Variants in RBM33 observed in about 807,000 individuals in gnomAD.
RBM33 encodes RNA binding motif protein 33.
A neutral mutation model predicts 132.6 loss-of-function variants in RBM33; 28 were observed. The ratio of observed to expected loss-of-function variants is 0.21; its 90% CI spans 0.16 to 0.29. The LOEUF (loss-of-function observed/expected upper bound fraction) is 0.29. RBM33 is among the 10% of genes least tolerant of loss of function. The pLI is 1.00. For missense variants in RBM33, 1,291 were observed against 1,518.5 expected, an observed-to-expected ratio of 0.85 and a Z score of 2.49; for synonymous variants, 634 against 593.0, an observed-to-expected ratio of 1.07 and a Z score of -1.01.
At chr7:155,673,402 TTGTGTG>T (rs200441063) in intron 3 of RBM33, among the ~76,000 whole-genome samples, 2,695 of 45,100 alleles carry the variant, frequency 0.06, 41 homozygotes, top group Non-Finnish European at 0.068. Context: ...TTTATATATA[TTGTGTG>T]TGTGTGTGTG....
intron 2 of RBM33, among the ~76,000 whole-genome samples, chr7:155,666,280 G>A (rs978606580): frequency 6.6e-6 from 1 of 152,178 alleles, no homozygotes; most frequent in African/African-American, 2.4e-5. Context: ...TGAGAACCAG[G>A]AGCACCCATG....
chr7:155,656,963 G>GTT (rs200480316), intron 1 of RBM33, among the ~76,000 whole-genome samples: 14 of 141,096 alleles, frequency 9.9e-5, no homozygotes, highest in Non-Finnish European at 1.9e-4. Flanking sequence ...CAGGGTGAAG[G>GTT]TTTTTTTTTT....
rs1798767805 is a variant in RBM33, at chr7:155,665,188, C to T, written c.57C>T (p.Asp19=). The T allele has an allele frequency of 2.5e-6, 4 of 1,613,734 alleles. No homozygotes were observed. Among genetic ancestry groups the T allele is most frequent in the South Asian group, 2.2e-5 (2 of 91,086 alleles). Residue 19 remains aspartate, a synonymous_variant, in exon 2 of 18, where the codon GAC becomes GAT. Transcript: ENST00000401878. ...CTGTTCTCATAGATGATGACTTTGA[C>T]CAGTTTGATAAGCCTGGCGCGGAAC... ...GGAGAGDDDF[D]QFDKPGAERS...
intron 2 of RBM33, among the ~76,000 whole-genome samples, chr7:155,666,444 T>G (rs1289981308): frequency 6.6e-6 from 1 of 152,230 alleles, no homozygotes. Context: ...TCATGGACTT[T>G]CACAGAAATA....
At position 155,745,436 on chromosome 7, in the gene RBM33, T is replaced by C; in HGVS notation, c.2813T>C (p.Val938Ala). ...HKVLPIKPAD[V>A]EEPAVPQTPR... The stretch of plus-strand genomic sequence containing the variant: ...GTGCTCCCGATCAAACCTGCAGATG[T>C]GGAGGAGCCAGCTGTCCCCCAGACT... Residue 938 changes from valine to alanine, a missense_variant, in exon 14 of 18, where the codon GTG (valine) becomes GCG (alanine). Physicochemically the swap from Val to Ala is moderately conservative, Grantham distance 64. This residue lies in a region of RBM33 where 841 missense variants were observed against 912.0 expected (regional missense o/e 0.92). Transcript: ENST00000401878. This position sits in a 1 kb window ranked among gnomAD's most constrained non-coding sequence, Gnocchi z 4.1. 1.2e-6 allele frequency: 2 copies of C among 1,613,866 alleles called. No homozygotes were observed. Among genetic ancestry groups the C allele is most frequent in the Non-Finnish European group, 1.7e-6 (2 of 1,179,866 alleles).
At chr7:155,670,644 C>T (rs1354380619) in intron 2 of RBM33, among the ~76,000 whole-genome samples, 1 of 152,104 alleles carries the variant, frequency 6.6e-6, no homozygotes, top group Admixed American at 6.6e-5. Context: ...GTGTGTCTAC[C>T]TGAGAGGGGT....
intron 5 of RBM33, among the ~76,000 whole-genome samples, chr7:155,695,029 G>A (rs796497347): frequency 1.2e-4 from 18 of 152,296 alleles, no homozygotes; most frequent in African/African-American, 4.1e-4. Context: ...CTGTGGGGGA[G>A]TACCTCATTG....
chr7:155,708,780 G>A (rs149862103), intron 7 of RBM33, among the ~76,000 whole-genome samples: 98 of 152,166 alleles, frequency 6.4e-4, no homozygotes, highest in African/African-American at 2.2e-3. Context: ...GGTATCCTCC[G>A]CTCCAACTGC....
In RBM33 at chr7:155,760,326, G is replaced by C. The variant is rs141145059; in HGVS notation, c.2980-3486G>C. On this transcript the variant is annotated intron_variant, in intron 14 of 17. Coordinates refer to ENST00000401878, the MANE Select transcript of RBM33 (RefSeq NM_053043.3). The stretch of plus-strand genomic sequence containing the variant: ...GTTCATACGATGGAAGTCCTTCTTA[G>C]AGAGCAAACCTTCCACAGTCCATGC... Among the ~76,000 whole-genome samples the C allele has an allele frequency of 9.0e-3, 1,378 of 152,302 alleles. 13 individuals are homozygous for C. The highest frequency in any genetic ancestry group is 0.03 in the African/African-American group (1,262 of 41,570).
At chr7:155,713,715 A>C (rs904242352) in intron 8 of RBM33, among the ~76,000 whole-genome samples, 7 of 152,230 alleles carry the variant, frequency 4.6e-5, no homozygotes, top group Admixed American at 2.0e-4. Flanking sequence ...CTAAAACAGA[A>C]GTTGGATGAT....
At chr7:155,709,775 G>C (rs1800224878) in intron 7 of RBM33, among the ~76,000 whole-genome samples, 1 of 152,200 alleles carries the variant, frequency 6.6e-6, no homozygotes. Context: ...CAGATGTGAT[G>C]AGTTAAGGAG....
intron 3 of RBM33, among the ~76,000 whole-genome samples, chr7:155,676,638 C>T (rs1189142082): frequency 6.6e-6 from 1 of 152,180 alleles, no homozygotes; most frequent in East Asian, 1.9e-4. Flanking sequence ...GCCACTTTAT[C>T]TTCATCTCTT....
chr7:155,765,612 C>G lies in RBM33; in HGVS notation c.3187-855C>G, dbSNP rs138694346. Among the ~76,000 whole-genome samples the G allele has an allele frequency of 1.6e-4, 25 of 152,312 alleles. 1 individual carries two copies. Among genetic ancestry groups the G allele is most frequent in the Non-Finnish European group, 2.4e-4 (16 of 68,032 alleles). The stretch of plus-strand genomic sequence containing the variant: ...CCCCAACAGGATTCGGGTAGGCCAT[C>G]TGGAAACCTAGTGCCGTCCATCACC... On this transcript the variant is annotated intron_variant, in intron 15 of 17. Coordinates refer to ENST00000401878, the MANE Select transcript of RBM33 (RefSeq NM_053043.3).
chr7:155,752,524 A>G (rs1020353445), intron 14 of RBM33, among the ~76,000 whole-genome samples: 1 of 152,164 alleles, frequency 6.6e-6, no homozygotes, highest in Non-Finnish European at 1.5e-5. Flanking sequence ...CCCAAACAAA[A>G]GATTGACAGT....
intron 16 of RBM33, among the ~76,000 whole-genome samples, chr7:155,768,243 T>C (rs1488347153): frequency 1.3e-5 from 2 of 152,258 alleles, no homozygotes; most frequent in East Asian, 3.8e-4. Flanking sequence ...TACTGTTTGC[T>C]TCTCACAGCA....
intron 11 of RBM33, chr7:155,739,348 A>C (rs1801240233): frequency 6.1e-6 from 1 of 165,140 alleles, no homozygotes; most frequent in Admixed American, 6.3e-5. Flanking sequence ...CCATCGTTTG[A>C]GAGTGCTGTA....
intron 1 of RBM33, 92 bp downstream of exon 1, chr7:155,645,011 G>C: frequency 1.1e-6 from 1 of 897,084 alleles, no homozygotes. Context: ...GAGAGGACGA[G>C]GCTCTCCCCG....
chr7:155,753,660 A>G (rs1801755409), intron 14 of RBM33, among the ~76,000 whole-genome samples: 1 of 152,202 alleles, frequency 6.6e-6, no homozygotes, highest in Admixed American at 6.5e-5. Flanking sequence ...CCAACAGGCC[A>G]GTTCTGGGAA....
At chr7:155,748,601 T>C (rs1801594968) in intron 14 of RBM33, among the ~76,000 whole-genome samples, 1 of 152,250 alleles carries the variant, frequency 6.6e-6, no homozygotes, top group Non-Finnish European at 1.5e-5. Flanking sequence ...TATAATGAAA[T>C]AATTTATCGT....
Sources: allele counts gnomAD v4.1 joint callset (sites outside exome capture counted in the v4.1 genomes callset), GRCh38; gene constraint gnomAD v4.1.1; regional missense constraint gnomAD v4.1.1; non-coding constraint Gnocchi (gnomAD v3.1); transcripts MANE v1.5; gene names NCBI Gene and HGNC (gene_info 2026-07-23, HGNC 2026-07-21).